The following DDX10 variants were observed in gnomAD, a reference collection of about 807,000 sequenced individuals.
DDX10 encodes probable ATP-dependent RNA helicase DDX10.
In DDX10, 74 loss-of-function variants were observed where a neutral mutation model predicts 104.3. The ratio of observed to expected loss-of-function variants is 0.71; its 90% CI spans 0.59 to 0.86. The LOEUF is 0.86. Ranked by LOEUF, DDX10 falls within the 40% of genes least tolerant of loss-of-function variation. DDX10 has a pLI of 0.00. For synonymous variants in DDX10, 351 were observed against 353.4 expected (o/e 0.99, Z 0.08); for missense variants, 952 against 1,040.0 (o/e 0.92, Z 1.16).
At chr11:108,700,703 G>A (rs1052222168) in intron 9 of DDX10, among the ~76,000 whole-genome samples, 4 of 152,158 alleles carry the variant, frequency 2.6e-5, no homozygotes, top group Admixed American at 2.6e-4. Flanking sequence ...ACTAATGACC[G>A]TGTACCCTTG....
chr11:108,705,535 T>A (rs2094274630), intron 9 of DDX10, among the ~76,000 whole-genome samples: 1 of 152,192 alleles, frequency 6.6e-6, no homozygotes, highest in African/African-American at 2.4e-5. Flanking sequence ...CTTGACTGTT[T>A]TACTTGTGTG....
intron 17 of DDX10, among the ~76,000 whole-genome samples, chr11:108,932,650 A>G (rs1396233320): frequency 6.6e-6 from 1 of 151,928 alleles, no homozygotes; most frequent in Non-Finnish European, 1.5e-5. Flanking sequence ...TATAATCTTC[A>G]TCCACTTTGT....
chr11:108,808,534 G>C (rs1465033867), intron 13 of DDX10, among the ~76,000 whole-genome samples: 2 of 152,102 alleles, frequency 1.3e-5, no homozygotes. Flanking sequence ...AGAAATAGGG[G>C]TGAAATTTCC....
At chr11:108,851,107 A>G (rs1403913925) in intron 15 of DDX10, among the ~76,000 whole-genome samples, 3 of 152,140 alleles carry the variant, frequency 2.0e-5, no homozygotes, top group Non-Finnish European at 4.4e-5. Flanking sequence ...CTTGATATAT[A>G]GCTATAGTCT....
chr11:108,687,189 C>T (rs1347457132), intron 6 of DDX10, among the ~76,000 whole-genome samples: 1 of 152,226 alleles, frequency 6.6e-6, no homozygotes, highest in Non-Finnish European at 1.5e-5. Flanking sequence ...GCTCCACATC[C>T]TTGCCAGCGT....
At chr11:108,902,278 T>C (rs971572304) in intron 16 of DDX10, among the ~76,000 whole-genome samples, 7 of 152,174 alleles carry the variant, frequency 4.6e-5, no homozygotes, top group Non-Finnish European at 1.0e-4. Flanking sequence ...CAGTAATGCT[T>C]GTGGCCAGAG....
intron 13 of DDX10, among the ~76,000 whole-genome samples, chr11:108,775,083 A>C (rs777268894): frequency 6.6e-6 from 1 of 152,238 alleles, no homozygotes; most frequent in Non-Finnish European, 1.5e-5. Flanking sequence ...ACCTATTCAG[A>C]ATTATACATT....
At chr11:108,698,806 C>G (rs980721170) in intron 9 of DDX10, among the ~76,000 whole-genome samples, 1 of 152,184 alleles carries the variant, frequency 6.6e-6, no homozygotes, top group East Asian at 1.9e-4. Flanking sequence ...TCATCCGTTT[C>G]CCCCCAGTTT....
intron 13 of DDX10, among the ~76,000 whole-genome samples, chr11:108,781,769 C>T (rs1280487306): frequency 1.3e-5 from 2 of 151,488 alleles, no homozygotes; most frequent in East Asian, 3.9e-4. Flanking sequence ...CTTGGATGAA[C>T]AATTTGCAGT....
chr11:108,692,048 C>A lies in DDX10; in HGVS notation c.1138+10C>A. ...GCAGCCAGGGGTCTGGGTAAGAAAA[C>A]TTCCTATCATGAAATTTCTGTGATT... On this transcript the variant is annotated intron_variant, in intron 8 of 17. Coordinates refer to ENST00000322536, the MANE Select transcript of DDX10 (RefSeq NM_004398.4). 1 of 1,571,524 alleles carries A rather than the reference C, an allele frequency of 6.4e-7. No homozygotes were observed. Among genetic ancestry groups the A allele is most frequent in the South Asian group, 1.2e-5 (1 of 84,256 alleles).
chr11:108,929,256 A>G (rs546488714), intron 17 of DDX10, among the ~76,000 whole-genome samples: 1 of 152,346 alleles, frequency 6.6e-6, no homozygotes, highest in South Asian at 2.1e-4. Flanking sequence ...AGGTGGTGAC[A>G]GGGCCTTGAA....
chr11:108,870,616 ATAACT>A (rs761611190), intron 16 of DDX10, among the ~76,000 whole-genome samples: 1 of 152,236 alleles, frequency 6.6e-6, no homozygotes, highest in Non-Finnish European at 1.5e-5. Context: ...CTGCTAAAAC[ATAACT>A]TTACTAGAGA....
At chr11:108,884,530 CTTCA>C (rs1279169071) in intron 16 of DDX10, among the ~76,000 whole-genome samples, 1 of 152,158 alleles carries the variant, frequency 6.6e-6, no homozygotes, top group Non-Finnish European at 1.5e-5. Context: ...AGGTCTCTGT[CTTCA>C]TTCATCTCTG....
chr11:108,910,991 A>G lies in DDX10; in HGVS notation c.2305-6882A>G, dbSNP rs542194050. 2.2e-4 allele frequency among the ~76,000 whole-genome samples: 33 copies of G among 152,316 alleles called. No individual in the cohort carries two copies. In the South Asian group the frequency reaches 6.2e-3, roughly 29 times the overall value. ...CAGTCGGCCACATGTTAGGGGATCC[A>G]TAAGGTGAAAACTGCTTTCTATCTC... On this transcript the variant is annotated intron_variant, in intron 16 of 17. Transcript: ENST00000322536.
chr11:108,830,513 C>T (rs952105212), intron 13 of DDX10, among the ~76,000 whole-genome samples: 1 of 152,156 alleles, frequency 6.6e-6, no homozygotes, highest in African/African-American at 2.4e-5. Context: ...TTGATTTACT[C>T]TTTACTGATT....
chr11:108,668,971 C>T (rs1006775373), intron 1 of DDX10, among the ~76,000 whole-genome samples: 1 of 152,168 alleles, frequency 6.6e-6, no homozygotes, highest in Non-Finnish European at 1.5e-5. Flanking sequence ...GTGGTTGCAG[C>T]CTCACGTCTG....
chr11:108,788,986 G>A (rs1200863819), intron 13 of DDX10, among the ~76,000 whole-genome samples: 2 of 152,080 alleles, frequency 1.3e-5, no homozygotes, highest in Non-Finnish European at 2.9e-5. Flanking sequence ...CTCAGGCAGG[G>A]GCAGATAGGC....
At chr11:108,864,991 C>G (rs1292376740) in intron 16 of DDX10, among the ~76,000 whole-genome samples, 1 of 152,156 alleles carries the variant, frequency 6.6e-6, no homozygotes, top group Non-Finnish European at 1.5e-5. Context: ...CCATCTAAAA[C>G]CAATGCTGGG....
intron 9 of DDX10, among the ~76,000 whole-genome samples, chr11:108,702,984 T>C (rs1329409581): frequency 6.6e-6 from 1 of 152,228 alleles, no homozygotes; most frequent in Non-Finnish European, 1.5e-5. Context: ...GCTGCATAAA[T>C]TAAATATAGT....
Sources: gnomAD v4.1 joint callset for allele counts (sites outside exome capture counted in the v4.1 genomes callset) on GRCh38, gnomAD v4.1.1 for gene constraint, MANE v1.5 for transcripts, NCBI Gene and HGNC (gene_info 2026-07-23, HGNC 2026-07-21) for gene names.